Variants in RIMS1 observed in about 807,000 individuals in gnomAD.
RIMS1 encodes the protein regulating synaptic membrane exocytosis protein 1.
Under a neutral mutation model 214.1 loss-of-function variants are expected in RIMS1, and 83 were observed. The ratio of observed to expected loss-of-function variants is 0.39; its 90% CI spans 0.32 to 0.47. The LOEUF (loss-of-function observed/expected upper bound fraction) is 0.47. Among genes scored for constraint, RIMS1 ranks in the 20% least tolerant of loss-of-function variants. RIMS1 has a pLI of 0.99. For missense variants in RIMS1, 2,050 were observed against 2,161.8 expected (o/e 0.95, Z 1.03); for synonymous variants, 793 against 786.8 (o/e 1.01, Z -0.13).
intron 2 of RIMS1, among the ~76,000 whole-genome samples, chr6:72,004,221 A>G (rs1806491617): frequency 2.0e-5 from 3 of 151,772 alleles, no homozygotes; most frequent in African/African-American, 7.3e-5. Flanking sequence ...ATGGCTGCAT[A>G]GTATTCCATG....
intron 1 of RIMS1, among the ~76,000 whole-genome samples, chr6:71,939,253 A>G (rs1172091094): frequency 6.6e-6 from 1 of 152,202 alleles, no homozygotes; most frequent in Non-Finnish European, 1.5e-5. Flanking sequence ...CAACATTCTG[A>G]TCACTCAAGT....
chr6:71,891,566 A>G (rs1769887641), intron 1 of RIMS1, among the ~76,000 whole-genome samples: 1 of 152,178 alleles, frequency 6.6e-6, no homozygotes, highest in African/African-American at 2.4e-5. Flanking sequence ...GATCCCAGTT[A>G]CCAACTGGGA....
intron 6 of RIMS1, among the ~76,000 whole-genome samples, chr6:72,203,193 T>A (rs2052340783): frequency 6.6e-6 from 1 of 152,106 alleles, no homozygotes; most frequent in Non-Finnish European, 1.5e-5. Flanking sequence ...TTCACCGTGT[T>A]AGCCAGGATG....
At chr6:72,103,859 AT>A (rs1306658688) in intron 4 of RIMS1, among the ~76,000 whole-genome samples, 1 of 152,162 alleles carries the variant, frequency 6.6e-6, no homozygotes, top group Admixed American at 6.6e-5. Flanking sequence ...GTAGTATCTC[AT>A]TGTGGTTATC....
At chr6:72,077,530 A>G (rs1234652184) in intron 2 of RIMS1, among the ~76,000 whole-genome samples, 1 of 152,228 alleles carries the variant, frequency 6.6e-6, no homozygotes, top group Non-Finnish European at 1.5e-5. Context: ...GATGTAAGAG[A>G]CAAAACCACA....
intron 22 of RIMS1, among the ~76,000 whole-genome samples, chr6:72,273,472 T>C (rs1591518504): frequency 2.0e-5 from 3 of 152,206 alleles, no homozygotes; most frequent in Admixed American, 2.0e-4. Context: ...ATTTCCTCAG[T>C]TTTAACTAGA....
At chr6:72,168,721 G>GTTTTT (rs5877314) in intron 4 of RIMS1, among the ~76,000 whole-genome samples, 1 of 101,190 alleles carries the variant, frequency 9.9e-6, no homozygotes. Flanking sequence ...TAGTTTCAGG[G>GTTTTT]TTTTTTTTTT....
At chr6:72,277,551 C>A (rs927319234) in intron 23 of RIMS1, among the ~76,000 whole-genome samples, 1 of 148,390 alleles carries the variant, frequency 6.7e-6, no homozygotes, top group Non-Finnish European at 1.5e-5. Context: ...CACTGCACTC[C>A]AGCCTAGGCG....
chr6:71,958,278 T>C (rs1349168976), intron 1 of RIMS1, among the ~76,000 whole-genome samples: 1 of 152,190 alleles, frequency 6.6e-6, no homozygotes, highest in African/African-American at 2.4e-5. Flanking sequence ...GATGTCATAA[T>C]CATCAGGGTT....
rs181176478 is a variant in RIMS1, at chr6:72,120,964, G to A, written c.471+20978G>A. On this transcript the variant is annotated intron_variant, in intron 4 of 33. Coordinates refer to ENST00000521978, the MANE Select transcript of RIMS1 (RefSeq NM_014989.7). ...GTTTGTCAAAGACTAGATGGTTGTA[G>A]ATATGTGGTGTTATTTCTGAGGCCT... 3.6e-3 allele frequency among the ~76,000 whole-genome samples: 550 copies of A among 151,964 alleles called. 6 individuals carry two copies. Among genetic ancestry groups the A allele is most frequent in the African/African-American group, 0.013 (534 of 41,532 alleles).
chr6:72,381,710 G>T (rs991856415), intron 29 of RIMS1, among the ~76,000 whole-genome samples: 20 of 152,342 alleles, frequency 1.3e-4, no homozygotes, highest in African/African-American at 3.8e-4. Context: ...TGCTGAAAAT[G>T]TAAGTGTAAC....
intron 2 of RIMS1, among the ~76,000 whole-genome samples, chr6:72,010,900 T>G (rs1166482402): frequency 5.9e-5 from 9 of 152,186 alleles, no homozygotes; most frequent in Non-Finnish European, 2.9e-5. Flanking sequence ...ATGGCCATAC[T>G]GCCCAAGGTA....
At chr6:71,929,313 G>A (rs2150877111) in intron 1 of RIMS1, among the ~76,000 whole-genome samples, 1 of 152,230 alleles carries the variant, frequency 6.6e-6, no homozygotes, top group South Asian at 2.1e-4. Flanking sequence ...TCAAAAGAAG[G>A]TAGAAGGTAA....
chr6:72,145,762 C>T (rs1402641589), intron 4 of RIMS1, among the ~76,000 whole-genome samples: 1 of 152,202 alleles, frequency 6.6e-6, no homozygotes, highest in Non-Finnish European at 1.5e-5. Flanking sequence ...GGGAAGCACA[C>T]CCTTCCAGTC....
chr6:72,114,105 C>G (rs1562342882), intron 4 of RIMS1, among the ~76,000 whole-genome samples: 1 of 151,944 alleles, frequency 6.6e-6, no homozygotes, highest in Admixed American at 6.6e-5. Flanking sequence ...TGAACTGTAG[C>G]TACTTTGTCA....
intron 28 of RIMS1, among the ~76,000 whole-genome samples, chr6:72,315,767 C>G (rs947463458): frequency 6.6e-6 from 1 of 151,866 alleles, no homozygotes; most frequent in Non-Finnish European, 1.5e-5. Flanking sequence ...TGGTAAAAAC[C>G]TGAGAGGTGA....
chr6:72,400,772 C>G lies in RIMS1; in HGVS notation c.*58C>G, dbSNP rs2098830626. ...CTACTTTTCAGGATAATAATCTGAACCAGATATTTCATGATCGAAAGCATT... is the reference window on the plus strand; with the variant it reads ...CTACTTTTCAGGATAATAATCTGAAGCAGATATTTCATGATCGAAAGCATT... On this transcript the variant is annotated 3_prime_UTR_variant, in exon 34 of 34. Transcript: ENST00000521978. The G allele has an allele frequency of 3.0e-6, 4 of 1,315,506 alleles. No individual in the cohort carries two copies. 81.5% of individuals were successfully genotyped at this position (1,315,506 alleles called of 1,614,324 possible).
At chr6:71,948,254 C>A (rs1024905410) in intron 1 of RIMS1, among the ~76,000 whole-genome samples, 2 of 152,136 alleles carry the variant, frequency 1.3e-5, no homozygotes, top group East Asian at 3.8e-4. Context: ...TAGTGTTGTT[C>A]ATCAGATATT....
intron 1 of RIMS1, among the ~76,000 whole-genome samples, chr6:71,948,911 T>G (rs1352018507): frequency 6.6e-6 from 1 of 152,106 alleles, no homozygotes; most frequent in Non-Finnish European, 1.5e-5. Flanking sequence ...CTTTAAAGAT[T>G]AAGGAGAATC....
Sources: allele counts gnomAD v4.1 joint callset (sites outside exome capture counted in the v4.1 genomes callset), GRCh38; gene constraint gnomAD v4.1.1; transcripts MANE v1.5; gene names NCBI Gene and HGNC (gene_info 2026-07-23, HGNC 2026-07-21).